The following CHRM5 variants were observed in gnomAD, a reference collection of about 807,000 sequenced individuals.
CHRM5 encodes muscarinic acetylcholine receptor M5.
In CHRM5, 18 loss-of-function variants were observed where a neutral mutation model predicts 39.0. That is an observed-to-expected ratio of 0.46 (90% confidence interval 0.32 to 0.68). The LOEUF (loss-of-function observed/expected upper bound fraction) is 0.68. CHRM5 is among the 30% of genes least tolerant of loss of function. CHRM5 has a pLI of 0.04. For synonymous variants in CHRM5, 241 were observed against 246.3 expected (o/e 0.98, Z 0.20); for missense variants, 515 against 651.1 (o/e 0.79, Z 2.28).
intron 1 of CHRM5, among the ~76,000 whole-genome samples, chr15:33,983,098 T>C (rs142651010): frequency 4.4e-4 from 67 of 151,668 alleles, no homozygotes; most frequent in Middle Eastern, 3.4e-3. Flanking sequence ...ACTTGGGATA[T>C]AGCTAACCAT....
chr15:34,040,575 A>G (rs937665486), intron 1 of CHRM5, among the ~76,000 whole-genome samples: 6 of 152,238 alleles, frequency 3.9e-5, no homozygotes, highest in South Asian at 2.1e-4. Flanking sequence ...GAGGTAAGCT[A>G]GTGTTGTCTC....
rs1256932609 is a variant in CHRM5 at position 34,026,131 on chromosome 15, C to T, written c.-407-20409C>T. Among the ~76,000 whole-genome samples, 3 of 152,002 alleles carry T rather than the reference C, an allele frequency of 2.0e-5. No individual in the cohort carries two copies. The East Asian group carries it at 5.8e-4, about 29-fold the overall frequency. Reference sequence around the variant, plus strand: ...CAGATTAAGTTTGATATTCTTCTACCCTTTTCAGAGTTTTAAATGCATACA... The same window carrying T: ...CAGATTAAGTTTGATATTCTTCTACTCTTTTCAGAGTTTTAAATGCATACA... On this transcript the variant is annotated intron_variant, in intron 1 of 2. Coordinates refer to ENST00000383263, the MANE Select transcript of CHRM5 (RefSeq NM_012125.4).
intron 1 of CHRM5, chr15:33,972,585 G>C (rs1001670689): frequency 6.6e-6 from 1 of 152,122 alleles, no homozygotes; most frequent in Non-Finnish European, 1.5e-5. Flanking sequence ...CAAAACTTCT[G>C]TGTTCTCTGA....
intron 1 of CHRM5, among the ~76,000 whole-genome samples, chr15:34,031,321 C>T (rs61153924): frequency 0.11 from 16,084 of 151,610 alleles, 1,056 homozygotes; most frequent in East Asian, 0.33. Context: ...ATTACAGGCG[C>T]ATGCCACCAT....
intron 1 of CHRM5, among the ~76,000 whole-genome samples, chr15:34,005,561 CTGAACAAACATAAGCACTATATATAA>C (rs1378479281): frequency 6.6e-6 from 1 of 152,158 alleles, no homozygotes; most frequent in Admixed American, 6.5e-5. Context: ...CATAAGATGG[CTGAACAAACATAAGCACTATATATAA>C]TAACTAAGAT....
chr15:33,983,183 C>CGTGTGTGT (rs536612414), intron 1 of CHRM5, among the ~76,000 whole-genome samples: 1 of 96,830 alleles, frequency 1.0e-5, no homozygotes, highest in Non-Finnish European at 2.1e-5. Context: ...TATATACACA[C>CGTGTGTGT]GTGTGTGTAT....
At chr15:34,060,365 T>C (rs1900293882) in intron 2 of CHRM5, among the ~76,000 whole-genome samples, 1 of 152,076 alleles carries the variant, frequency 6.6e-6, no homozygotes, top group African/African-American at 2.4e-5. Context: ...TGCAAGACAA[T>C]ATCATCAACT....
At chr15:34,003,169 T>C (rs760452431) in intron 1 of CHRM5, 22 of 1,613,726 alleles carry the variant, frequency 1.4e-5, no homozygotes, top group Non-Finnish European at 1.8e-5. Flanking sequence ...CTGTTCATCA[T>C]TCTCTTCTCC....
chr15:34,011,029 T>C (rs140262371), intron 1 of CHRM5, among the ~76,000 whole-genome samples: 203 of 152,252 alleles, frequency 1.3e-3, no homozygotes, highest in African/African-American at 4.7e-3. Flanking sequence ...TTTTCGATAT[T>C]TGAAAAGTGT....
chr15:33,991,714 CTAAA>C (rs1049212126), intron 1 of CHRM5: 1 of 151,906 alleles, frequency 6.6e-6, no homozygotes, highest in African/African-American at 2.4e-5. Context: ...TAAAGAAACA[CTAAA>C]TAAAGCAGAA....
rs540511747 is a variant in CHRM5 at position 33,981,804 on chromosome 15, C to G, written c.-408+12654C>G. Among the ~76,000 whole-genome samples the G allele has an allele frequency of 2.6e-5, 4 of 152,086 alleles. No homozygotes were observed. The East Asian group carries it at 7.7e-4, about 29-fold the overall frequency. On this transcript the variant is annotated intron_variant, in intron 1 of 2. Coordinates refer to ENST00000383263, the MANE Select transcript of CHRM5 (RefSeq NM_012125.4). The stretch of plus-strand genomic sequence containing the variant: ...TTTAAACAAAATGTATACAAAATAC[C>G]AAATATCTAGCCAGGTACTCTATAA...
chr15:34,061,042 T>C (rs573280647), intron 2 of CHRM5, among the ~76,000 whole-genome samples: 2 of 151,924 alleles, frequency 1.3e-5, no homozygotes, highest in South Asian at 2.1e-4. Flanking sequence ...ATTTTTTTTT[T>C]CCCTTTACCG....
intron 2 of CHRM5, among the ~76,000 whole-genome samples, chr15:34,059,728 C>A (rs1900274547): frequency 6.6e-6 from 1 of 152,180 alleles, no homozygotes; most frequent in East Asian, 1.9e-4. Context: ...TTTTGCCTAG[C>A]TATTGGTGAC....
In CHRM5 at chr15:34,010,983, C is replaced by T. The variant is rs572030323; in HGVS notation, c.-407-35557C>T. Among the ~76,000 whole-genome samples the T allele has an allele frequency of 3.3e-5, 5 of 152,170 alleles. No homozygotes were observed. In the South Asian group the frequency reaches 1.0e-3, roughly 32 times the overall value. The stretch of plus-strand genomic sequence containing the variant: ...CATTATCTTTTTAACAATAGAAAAA[C>T]TCATAAACCATCATAATTAAAGAAT... On this transcript the variant is annotated intron_variant, in intron 1 of 2. Transcript: ENST00000383263.
chr15:34,045,052 A>C (rs1001827126), intron 1 of CHRM5, among the ~76,000 whole-genome samples: 4 of 152,218 alleles, frequency 2.6e-5, no homozygotes, highest in African/African-American at 9.6e-5. Flanking sequence ...TGTCTCAAAA[A>C]TTAGTAATAA....
At chr15:34,039,576 G>A (rs747445704) in intron 1 of CHRM5, among the ~76,000 whole-genome samples, 3 of 152,108 alleles carry the variant, frequency 2.0e-5, no homozygotes, top group Non-Finnish European at 2.9e-5. Context: ...CTATACCGAA[G>A]TCAGGGTTCA....
chr15:33,982,474 C>T (rs377083888), intron 1 of CHRM5, among the ~76,000 whole-genome samples: 1 of 152,092 alleles, frequency 6.6e-6, no homozygotes, highest in East Asian at 1.9e-4. Flanking sequence ...TTTTCTGGAG[C>T]AAAGCAATAA....
chr15:34,047,306 T>C (rs1029737545), intron 2 of CHRM5, among the ~76,000 whole-genome samples: 2 of 152,172 alleles, frequency 1.3e-5, no homozygotes, highest in African/African-American at 4.8e-5. Context: ...CTGGATCTCC[T>C]GACCTGATGA....
intron 1 of CHRM5, among the ~76,000 whole-genome samples, chr15:34,021,257 C>T (rs1322115111): frequency 6.6e-6 from 1 of 151,954 alleles, no homozygotes; most frequent in African/African-American, 2.4e-5. Context: ...CAGGCACACA[C>T]CACCCCACTC....
Sources: gnomAD v4.1 joint callset for allele counts (sites outside exome capture counted in the v4.1 genomes callset) on GRCh38, gnomAD v4.1.1 for gene constraint, MANE v1.5 for transcripts, NCBI Gene and HGNC (gene_info 2026-07-23, HGNC 2026-07-21) for gene names.